Variants in PFKFB3 observed in about 807,000 individuals in gnomAD.
PFKFB3 encodes the protein 6-phosphofructo-2-kinase/fructose-2,6-bisphosphatase 3.
A neutral mutation model predicts 68.0 loss-of-function variants in PFKFB3; 33 were observed. The ratio of observed to expected loss-of-function variants is 0.49; its 90% confidence interval spans 0.37 to 0.65. The LOEUF is 0.65. Ranked by LOEUF, PFKFB3 falls within the 30% of genes least tolerant of loss-of-function variation. The pLI, the probability that PFKFB3 is intolerant of heterozygous loss-of-function variation, is 0.00. For missense variants in PFKFB3, 586 were observed against 712.2 expected (o/e 0.82, Z 2.02); for synonymous variants, 315 against 288.2 (o/e 1.09, Z -0.94).
intron 1 of PFKFB3, among the ~76,000 whole-genome samples, chr10:6,165,729 G>C (rs1842114096): frequency 6.6e-6 from 1 of 152,092 alleles, no homozygotes; most frequent in South Asian, 2.1e-4. Context: ...GTGCAGGTTT[G>C]TTATATAAGT....
rs1845360000 is a variant in PFKFB3 at position 6,226,436 on chromosome 10, CG to C, written c.1515+72del. On this transcript the variant is annotated intron_variant, in intron 14 of 14. Transcript: ENST00000379775. ...GCGTGATGCCACAGATCTGGGATTGCGTGCGTGTGTGTTTGCAAGAATACGT... is the reference window on the plus strand; with the variant it reads ...GCGTGATGCCACAGATCTGGGATTGCTGCGTGTGTGTTTGCAAGAATACGT... The C allele has an allele frequency of 2.7e-6, 4 of 1,455,848 alleles. No individual in the cohort carries two copies. The East Asian group carries it at 9.2e-5, about 33-fold the overall frequency. The allele number at this position is 1,455,848 out of a possible 1,614,324, so 90.2% of individuals were successfully genotyped here.
intron 11 of PFKFB3, among the ~76,000 whole-genome samples, chr10:6,223,516 C>A (rs1845107265): frequency 6.6e-6 from 1 of 152,154 alleles, no homozygotes; most frequent in Non-Finnish European, 1.5e-5. Flanking sequence ...CCAGCTGCTG[C>A]CCGGGACAGC....
chr10:6,211,381 C>A (rs1158830446), intron 1 of PFKFB3, among the ~76,000 whole-genome samples: 2 of 152,188 alleles, frequency 1.3e-5, no homozygotes, highest in Non-Finnish European at 2.9e-5. Flanking sequence ...TATGTGTGTG[C>A]GTCTGTCTCT....
the PFKFB3 span, among the ~76,000 whole-genome samples, chr10:6,320,532 C>T: frequency 6.6e-6 from 1 of 151,920 alleles, no homozygotes; most frequent in Non-Finnish European, 1.5e-5. Context: ...ACTCACTGCT[C>T]AGCTTCCTGA....
chr10:6,197,450 C>T (rs1363715207), intron 1 of PFKFB3, among the ~76,000 whole-genome samples: 2 of 152,212 alleles, frequency 1.3e-5, no homozygotes, highest in Non-Finnish European at 2.9e-5. Context: ...TAAGTTCACT[C>T]TGTGATGTTT....
chr10:6,179,524 G>A (rs530223956), intron 1 of PFKFB3, among the ~76,000 whole-genome samples: 2 of 152,276 alleles, frequency 1.3e-5, no homozygotes, highest in South Asian at 2.1e-4. Context: ...TTTCCCTAGC[G>A]AGCCCCCCGG....
chr10:6,187,261 T>A (rs1842893716), intron 1 of PFKFB3, among the ~76,000 whole-genome samples: 1 of 151,252 alleles, frequency 6.6e-6, no homozygotes, highest in Admixed American at 6.6e-5. Flanking sequence ...CTTGGGAGGC[T>A]GAGGCAGGAG....
chr10:6,185,019 C>T (rs181646719), intron 1 of PFKFB3, among the ~76,000 whole-genome samples: 2 of 152,332 alleles, frequency 1.3e-5, no homozygotes, highest in East Asian at 3.9e-4. Context: ...GATTATTTAA[C>T]AAGTTAGCCT....
chr10:6,216,852 C>T (rs1588502999), intron 5 of PFKFB3, 72 bp downstream of exon 5: 1 of 1,025,474 alleles, frequency 9.8e-7, no homozygotes, highest in Non-Finnish European at 1.5e-6. Context: ...CGGCCTGAGT[C>T]CTGCTTGGTC....
At chr10:6,150,812 A>G (rs1179377055) in intron 1 of PFKFB3, among the ~76,000 whole-genome samples, 1 of 152,190 alleles carries the variant, frequency 6.6e-6, no homozygotes, top group African/African-American at 2.4e-5. Context: ...AGCCTGACCA[A>G]CATGGTGAAA....
intron 14 of PFKFB3, among the ~76,000 whole-genome samples, chr10:6,240,600 C>T (rs1223061307): frequency 6.6e-6 from 1 of 152,082 alleles, no homozygotes; most frequent in African/African-American, 2.4e-5. Flanking sequence ...GTTGCAAAGA[C>T]AGTACAGAGA....
chr10:6,205,129 C>A (rs529488327), intron 1 of PFKFB3, among the ~76,000 whole-genome samples: 14 of 152,328 alleles, frequency 9.2e-5, no homozygotes, highest in African/African-American at 3.4e-4. Context: ...TGGATTAATT[C>A]TTTTGTCCCG....
At chr10:6,162,889 C>T (rs1842008706) in intron 1 of PFKFB3, among the ~76,000 whole-genome samples, 1 of 152,170 alleles carries the variant, frequency 6.6e-6, no homozygotes, top group Non-Finnish European at 1.5e-5. Context: ...TGGATCTGGG[C>T]TTTTGTGTGC....
chr10:6,302,221 A>G, the PFKFB3 span, among the ~76,000 whole-genome samples: 1 of 151,424 alleles, frequency 6.6e-6, no homozygotes, highest in Non-Finnish European at 1.5e-5. Flanking sequence ...CATCCAGCTA[A>G]TTTTTGTATT....
At chr10:6,144,977 G>T in exon 1 of PFKFB3, 1 of 1,296,850 alleles carries the variant, frequency 7.7e-7, no homozygotes, top group Non-Finnish European at 9.8e-7. Flanking sequence ...GGCCGGCCCC[G>T]CGGGGAGCGC....
At position 6,224,136 on chromosome 10, in the gene PFKFB3, C is replaced by A; in HGVS notation, c.1277-13C>A. The A allele has an allele frequency of 1.2e-6, 2 of 1,614,178 alleles. No individual in the cohort carries two copies. The highest frequency in any genetic ancestry group is 8.5e-7 in the Non-Finnish European group (1 of 1,179,978). ...AACAGCAGCTTCCTCTGCCCCCATC[C>A]CACGCCCTCCAGGCTGCCGTGTGGA... On this transcript the variant is annotated splice_polypyrimidine_tract_variant and intron_variant, in intron 12 of 14. Transcript: ENST00000379775.
chr10:6,301,699 C>T, the PFKFB3 span, among the ~76,000 whole-genome samples: 8 of 152,172 alleles, frequency 5.3e-5, no homozygotes, highest in East Asian at 1.9e-4. Flanking sequence ...GCTCAAAGGG[C>T]GGTGTGGGGA....
chr10:6,281,368 C>A, the PFKFB3 span, among the ~76,000 whole-genome samples: 2 of 151,780 alleles, frequency 1.3e-5, no homozygotes, highest in African/African-American at 4.8e-5. Context: ...ATGGAGACTG[C>A]ATCCTAGGGC....
At chr10:6,161,583 CACAT>C (rs1211985720) in intron 1 of PFKFB3, among the ~76,000 whole-genome samples, 9 of 149,868 alleles carry the variant, frequency 6.0e-5, no homozygotes, top group African/African-American at 1.2e-4. Flanking sequence ...TATACACACA[CACAT>C]ATATATATAC....
Sources: gnomAD v4.1 joint callset for allele counts (sites outside exome capture counted in the v4.1 genomes callset) on GRCh38, gnomAD v4.1.1 for gene constraint, MANE v1.5 for transcripts, NCBI Gene and HGNC (gene_info 2026-07-23, HGNC 2026-07-21) for gene names.